Variants in TNS3 observed in about 807,000 individuals in gnomAD.
TNS3 encodes the protein tensin-3.
A neutral mutation model predicts 140.9 loss-of-function variants in TNS3; 45 were observed. The observed-to-expected ratio is 0.32, with a 90% CI of 0.25 to 0.41. The LOEUF is 0.41. Ranked by LOEUF, TNS3 falls within the 10% of genes least tolerant of loss-of-function variation. The probability of loss-of-function intolerance (pLI) is 1.00; values close to 1 mark genes in which losing one functional copy is unlikely to be tolerated. For synonymous variants in TNS3, 815 were observed against 788.4 expected (o/e 1.03, Z -0.56); for missense variants, 1,716 against 1,906.7 (o/e 0.90, Z 1.86).
chr7:47,387,829 C>T lies in TNS3; in HGVS notation c.1024+8971G>A, dbSNP rs184900226. ...AGATGGTGAGGATGACCCTGTGGGCCGGGCACACAGAAGCATGTTCATGTG... is the reference window on the plus strand; with the variant it reads ...AGATGGTGAGGATGACCCTGTGGGCTGGGCACACAGAAGCATGTTCATGTG... On this transcript the variant is annotated intron_variant, in intron 16 of 30. Coordinates refer to ENST00000311160, the MANE Select transcript of TNS3 (RefSeq NM_022748.12). Among the ~76,000 whole-genome samples, 511 of 152,322 alleles carry T rather than the reference C, an allele frequency of 3.4e-3. 2 individuals carry two copies. The highest frequency in any genetic ancestry group is 4.3e-3 in the Non-Finnish European group (293 of 68,030).
rs571261911 is a variant in TNS3 at position 47,286,977 on chromosome 7, C to G, written c.3929-3112G>C. 5.8e-4 allele frequency among the ~76,000 whole-genome samples: 88 copies of G among 152,282 alleles called. 1 individual carries two copies. The Middle Eastern group carries it at 0.017, about 29-fold the overall frequency. On this transcript the variant is annotated intron_variant, in intron 27 of 30. Transcript: ENST00000311160. Reference sequence around the variant, plus strand: ...GGAGTGGTCTTTGGGCTGGAGAACACTTTACCTGCTGTCCACTCTTCCTCC... The same window carrying G: ...GGAGTGGTCTTTGGGCTGGAGAACAGTTTACCTGCTGTCCACTCTTCCTCC...
chr7:47,563,040 C>A (rs777654235), intron 1 of TNS3, among the ~76,000 whole-genome samples: 1 of 152,192 alleles, frequency 6.6e-6, no homozygotes. Flanking sequence ...TTAGCTATGC[C>A]CGTTCTTGTT....
At chr7:47,298,333 T>A (rs775994266) in intron 23 of TNS3, among the ~76,000 whole-genome samples, 6 of 152,148 alleles carry the variant, frequency 3.9e-5, no homozygotes, top group Non-Finnish European at 8.8e-5. Flanking sequence ...GCTTCCCTGG[T>A]GAGGCTGGTA....
intron 3 of TNS3, among the ~76,000 whole-genome samples, chr7:47,495,794 C>T (rs1797984609): frequency 6.6e-6 from 1 of 152,214 alleles, no homozygotes; most frequent in Non-Finnish European, 1.5e-5. Context: ...TAAAAAGATG[C>T]ACTGCATATG....
intron 8 of TNS3, among the ~76,000 whole-genome samples, chr7:47,432,850 T>C (rs935852642): frequency 7.9e-5 from 12 of 152,226 alleles, no homozygotes; most frequent in African/African-American, 2.9e-4. Context: ...GAGGGCACGA[T>C]AGGCTCATGG....
In TNS3 at chr7:47,275,676, C is replaced by A; in HGVS notation, c.*2400G>T. On this transcript the variant is annotated 3_prime_UTR_variant, in exon 31 of 31. Transcript: ENST00000311160. ...AAAAGGAAGAAAGAAACTTCCTATA[C>A]CAGCTCTTCAGAAATCGTGGAAACT... is the stretch of plus-strand genomic sequence containing the variant. 2.4e-6 allele frequency: 1 copy of A among 410,724 alleles called. No individual in the cohort carries two copies. The highest frequency in any genetic ancestry group is 4.9e-6 in the Non-Finnish European group (1 of 205,456). The allele number at this position is 410,724 out of a possible 1,614,324, so 25.4% of individuals were successfully genotyped here.
intron 8 of TNS3, among the ~76,000 whole-genome samples, chr7:47,431,655 C>A (rs1794937632): frequency 6.6e-6 from 1 of 151,960 alleles, no homozygotes; most frequent in Admixed American, 6.6e-5. Context: ...AAACTAAACC[C>A]CAAATTAGCA....
intron 1 of TNS3, among the ~76,000 whole-genome samples, chr7:47,565,109 ACT>A (rs1212332989): frequency 2.0e-5 from 3 of 149,594 alleles, no homozygotes; most frequent in Non-Finnish European, 4.4e-5. Context: ...ACAGAGTCTC[ACT>A]CTGTCACCCA....
At chr7:47,411,931 C>T (rs1316909453) in intron 12 of TNS3, 129 bp from the exon 13 acceptor site, 3 of 839,298 alleles carry the variant, frequency 3.6e-6, no homozygotes, top group Non-Finnish European at 5.6e-6. Context: ...AGCCCAGAAT[C>T]TAATTCCTGA....
chr7:47,579,305 C>CT (rs1340387179), intron 1 of TNS3: 2 of 7,846 alleles, frequency 2.5e-4, no homozygotes, highest in Non-Finnish European at 0.015. Context: ...ACAGGAAGGA[C>CT]CCGGGGTCCC....
chr7:47,369,699 A>C, intron 16 of TNS3, 78 bp from the exon 17 acceptor site: 2 of 1,425,564 alleles, frequency 1.4e-6, no homozygotes, highest in Non-Finnish European at 1.9e-6. Flanking sequence ...GGGCGTGTGC[A>C]TCTGTCTAAA....
chr7:47,448,240 G>T (rs550870014), intron 4 of TNS3, among the ~76,000 whole-genome samples: 84 of 152,336 alleles, frequency 5.5e-4, no homozygotes, highest in African/African-American at 1.9e-3. Context: ...CATGCAGAGG[G>T]GGAGCACAGG....
At chr7:47,498,528 T>C (rs538452913) in intron 3 of TNS3, among the ~76,000 whole-genome samples, 1 of 152,352 alleles carries the variant, frequency 6.6e-6, no homozygotes, top group African/African-American at 2.4e-5. Context: ...TACAACACAA[T>C]GTGGAATGAA....
chr7:47,344,643 T>A, intron 20 of TNS3, 112 bp downstream of exon 20: 1 of 994,986 alleles, frequency 1.0e-6, no homozygotes, highest in Non-Finnish European at 1.5e-6. Context: ...GCTTCTGAGA[T>A]ACGACACAAA....
intron 20 of TNS3, among the ~76,000 whole-genome samples, chr7:47,330,978 T>A (rs1250637825): frequency 6.6e-6 from 1 of 152,120 alleles, no homozygotes; most frequent in Non-Finnish European, 1.5e-5. Context: ...GAACCTTATG[T>A]GTGCACACAA....
rs146282157 is a variant in TNS3 at position 47,347,971 on chromosome 7, C to T, written c.2282-1615G>A. Among the ~76,000 whole-genome samples, 613 of 152,312 alleles carry T rather than the reference C, an allele frequency of 4.0e-3. 4 individuals are homozygous for T. Among genetic ancestry groups the T allele is most frequent in the Admixed American group, 8.1e-3 (124 of 15,308 alleles). ...ACACAGCAGCCCCTCACTACAGCAT[C>T]CTCATCCCCATGGTGCAGTGGTCCT... On this transcript the variant is annotated intron_variant, in intron 17 of 30. Transcript: ENST00000311160.
In TNS3 at chr7:47,280,146, G is replaced by T. The variant is rs745698257; in HGVS notation, c.4193+18C>A. ...ACTGCAGACAAGGAGAGAATGTAAA[G>T]AAATCTCAGCAACTTACTTTGAGGA... On this transcript the variant is annotated intron_variant, in intron 30 of 30. Coordinates refer to ENST00000311160, the MANE Select transcript of TNS3 (RefSeq NM_022748.12). The T allele has an allele frequency of 6.2e-7, 1 of 1,614,060 alleles. No homozygotes were observed. The highest frequency in any genetic ancestry group is 8.5e-7 in the Non-Finnish European group (1 of 1,179,954).
intron 2 of TNS3, among the ~76,000 whole-genome samples, chr7:47,511,617 A>G (rs1389727234): frequency 6.6e-6 from 1 of 151,818 alleles, no homozygotes; most frequent in Non-Finnish European, 1.5e-5. Context: ...CGCGAGGGCA[A>G]CCCCGTTCAT....
At chr7:47,466,191 C>T (rs1044244683) in intron 4 of TNS3, among the ~76,000 whole-genome samples, 7 of 151,450 alleles carry the variant, frequency 4.6e-5, no homozygotes, top group Admixed American at 6.6e-5. Flanking sequence ...GAGCCTCTGT[C>T]GCCCAGGCTG....
Sources: gnomAD v4.1 joint callset for allele counts (sites outside exome capture counted in the v4.1 genomes callset) on GRCh38, gnomAD v4.1.1 for gene constraint, MANE v1.5 for transcripts, NCBI Gene and HGNC (gene_info 2026-07-23, HGNC 2026-07-21) for gene names.